FSIP1: variants seen among roughly 807,000 people sequenced by gnomAD.
FSIP1 encodes fibrous sheath interacting protein 1, also known as fibrous sheath-interacting protein 1.
In FSIP1, 65 loss-of-function variants were observed where a neutral mutation model predicts 60.9. The observed-to-expected ratio is 1.07, with a 90% CI of 0.87 to 1.31. The LOEUF (loss-of-function observed/expected upper bound fraction) is 1.31, where lower values mean the gene tolerates loss of function less well. Ranked by LOEUF, FSIP1 falls within the 40% of genes most tolerant of loss-of-function variation. FSIP1 has a pLI of 0.00. For synonymous variants in FSIP1, 209 were observed against 221.2 expected (o/e 0.94, Z 0.49); for missense variants, 675 against 665.5 (o/e 1.01, Z -0.16).
chr15:39,760,424 A>G (rs749107025), intron 5 of FSIP1, among the ~76,000 whole-genome samples: 1 of 152,194 alleles, frequency 6.6e-6, no homozygotes, highest in Non-Finnish European at 1.5e-5. Flanking sequence ...CATCTTAACA[A>G]AGTGATCAAG....
At chr15:39,640,547 C>T (rs993785500) in intron 10 of FSIP1, among the ~76,000 whole-genome samples, 7 of 152,044 alleles carry the variant, frequency 4.6e-5, no homozygotes, top group Non-Finnish European at 5.9e-5. Context: ...CGGGTCGCAG[C>T]GGAAAGAAAA....
chr15:39,708,177 G>A (rs1193318220), intron 10 of FSIP1, among the ~76,000 whole-genome samples: 1 of 152,130 alleles, frequency 6.6e-6, no homozygotes, highest in Non-Finnish European at 1.5e-5. Flanking sequence ...CTAATACCAT[G>A]GGAACCAACT....
intron 10 of FSIP1, among the ~76,000 whole-genome samples, chr15:39,624,989 C>T (rs193084368): frequency 2.5e-3 from 382 of 152,314 alleles, no homozygotes; most frequent in African/African-American, 8.3e-3. Flanking sequence ...AAGTAGGTCA[C>T]GGCAAACAGC....
Position 39,765,685 on chromosome 15 carries a change from T to A in FSIP1, c.372A>T (p.Lys124Asn). ...GTTTCTTTGCCAATATTTTATCAAG[T>A]TTTTTCATCTTCTGAATAGCATCTT... is the stretch of plus-strand genomic sequence containing the variant. ...QLQDAIQKMK[K>N]LDKILAKKQR... Residue 124 changes from lysine to asparagine, a missense_variant, in exon 4 of 12, where the codon AAA becomes AAT. Physicochemically the swap from Lys to Asn is moderately conservative, Grantham distance 94. Transcript: ENST00000350221. 6.3e-7 allele frequency: 1 copy of A among 1,585,042 alleles called. No individual in the cohort carries two copies. Among genetic ancestry groups the A allele is most frequent in the Non-Finnish European group, 8.6e-7 (1 of 1,156,792 alleles).
intron 10 of FSIP1, among the ~76,000 whole-genome samples, chr15:39,681,927 G>A (rs1894179481): frequency 6.6e-6 from 1 of 152,292 alleles, no homozygotes; most frequent in Admixed American, 6.5e-5. Flanking sequence ...TTTCTCTAAT[G>A]AGTCCACAGA....
At position 39,770,537 on chromosome 15, in the gene FSIP1, GTTC is replaced by G; in HGVS notation, c.197_199del (p.Arg66del). ...GCTTTCCTGCTTATCATCATTACTA[GTTC>G]TTCTGTTCTCTGTATTACTGCTTTC... is the stretch of plus-strand genomic sequence containing the variant. On this transcript the variant is annotated inframe_deletion, in exon 3 of 12. Transcript: ENST00000350221. 1.9e-6 allele frequency: 3 copies of G among 1,610,106 alleles called. No homozygotes were observed. Among genetic ancestry groups the G allele is most frequent in the Non-Finnish European group, 2.5e-6 (3 of 1,179,030 alleles).
Position 39,671,238 on chromosome 15 carries a change from T to C in FSIP1, c.1188+42206A>G, listed in dbSNP as rs200873095. ...TTCTTCCTAAAATTTATTTGTCAATTTTTTGGTGTTCCAGAGAAGAAAATA... is the reference window on the plus strand; with the variant it reads ...TTCTTCCTAAAATTTATTTGTCAATCTTTTGGTGTTCCAGAGAAGAAAATA... On this transcript the variant is annotated intron_variant, in intron 10 of 11. Coordinates refer to ENST00000350221, the MANE Select transcript of FSIP1 (RefSeq NM_152597.5). 1.4e-3 allele frequency among the ~76,000 whole-genome samples: 219 copies of C among 152,296 alleles called. 4 individuals carry two copies. In the East Asian group the frequency reaches 0.035, roughly 24 times the overall value.
At position 39,738,180 on chromosome 15, in the gene FSIP1, G is replaced by C. The variant is rs1896680400; in HGVS notation, c.802C>G (p.Pro268Ala). 1 of 1,610,276 alleles carries C rather than the reference G, an allele frequency of 6.2e-7. No individual in the cohort carries two copies. Among genetic ancestry groups the C allele is most frequent in the Admixed American group, 1.7e-5 (1 of 59,682 alleles). Residue 268 changes from proline to alanine, a missense_variant, in exon 8 of 12, where the codon CCA becomes GCA. Transcript: ENST00000350221. Reference protein sequence around the residue: ...NIELAKESRNPVVMVDREKKR... With the variant: ...NIELAKESRNAVVMVDREKKR... ...TTCTCTCTGTCAACCATAACCACTG[G>C]GTTTCTTGATTCCTTGGCCAACTAC...
chr15:39,698,178 T>TAC (rs1170188805), intron 10 of FSIP1, among the ~76,000 whole-genome samples: 1 of 107,034 alleles, frequency 9.3e-6, no homozygotes, highest in African/African-American at 3.0e-5. Flanking sequence ...TATATATATA[T>TAC]AAAATATTAA....
chr15:39,679,764 A>G (rs1232572597), intron 10 of FSIP1, among the ~76,000 whole-genome samples: 1 of 152,220 alleles, frequency 6.6e-6, no homozygotes, highest in Non-Finnish European at 1.5e-5. Flanking sequence ...TAATTGATTA[A>G]GGGGGGAAAA....
intron 2 of FSIP1, among the ~76,000 whole-genome samples, chr15:39,775,810 T>C (rs544444740): frequency 2.0e-5 from 3 of 152,308 alleles, no homozygotes; most frequent in South Asian, 4.1e-4. Context: ...CCATGCTTCC[T>C]GTACAGCCTG....
At chr15:39,715,016 G>A (rs1407297539) in intron 9 of FSIP1, among the ~76,000 whole-genome samples, 1 of 145,398 alleles carries the variant, frequency 6.9e-6, no homozygotes, top group Non-Finnish European at 1.5e-5. Context: ...ATAAACTGAA[G>A]CACACCTACT....
Position 39,741,879 on chromosome 15 carries a change from T to A in FSIP1, c.581A>T (p.Asp194Val). ...AGTATGAAACACTGAGGAAAAGGTG[T>A]CTTCCTCCTCATGAGAAGGACCTGT... ...ETVGPSHEEE[D>V]TFSSVFHTQI... Residue 194 changes from aspartate (D) to valine (V), a missense_variant, in exon 6 of 12, where the codon GAC (aspartate) becomes GTC (valine). By Grantham distance (152) the Asp-to-Val change is radical. Coordinates refer to ENST00000350221, the MANE Select transcript of FSIP1 (RefSeq NM_152597.5). 1.3e-6 allele frequency: 2 copies of A among 1,598,858 alleles called. No homozygotes were observed. Among genetic ancestry groups the A allele is most frequent in the East Asian group, 4.5e-5 (2 of 44,702 alleles).
intron 3 of FSIP1, among the ~76,000 whole-genome samples, chr15:39,769,214 G>C (rs562910618): frequency 3.3e-5 from 5 of 151,178 alleles, no homozygotes; most frequent in Admixed American, 6.6e-5. Flanking sequence ...GGGAGGCAGA[G>C]CTTGCAGTGA....
chr15:39,665,266 C>T (rs1030917744), intron 10 of FSIP1, among the ~76,000 whole-genome samples: 30 of 152,096 alleles, frequency 2.0e-4, no homozygotes, highest in African/African-American at 2.4e-4. Context: ...TTAAGAGGAA[C>T]GACTGCCTTA....
intron 1 of FSIP1, among the ~76,000 whole-genome samples, chr15:39,777,927 A>C (rs1037353576): frequency 3.3e-5 from 5 of 152,208 alleles, no homozygotes; most frequent in African/African-American, 1.2e-4. Flanking sequence ...ACACAGGAGA[A>C]AGCACAAATA....
intron 10 of FSIP1, among the ~76,000 whole-genome samples, chr15:39,644,729 CTT>C (rs1892523810): frequency 6.6e-6 from 1 of 151,172 alleles, no homozygotes; most frequent in Non-Finnish European, 1.5e-5. Flanking sequence ...AAAAAAAAAA[CTT>C]AGCCAAGAGG....
At chr15:39,771,708 G>A (rs776834716) in intron 2 of FSIP1, among the ~76,000 whole-genome samples, 9 of 152,130 alleles carry the variant, frequency 5.9e-5, no homozygotes, top group Non-Finnish European at 1.3e-4. Context: ...AGCAGAAAAC[G>A]AAACTAGTGA....
chr15:39,699,880 C>G (rs924883135), intron 10 of FSIP1, among the ~76,000 whole-genome samples: 2 of 152,062 alleles, frequency 1.3e-5, no homozygotes, highest in African/African-American at 2.4e-5. Flanking sequence ...AGAAACATAG[C>G]TTCAGTAGTT....
Sources: allele counts gnomAD v4.1 joint callset (sites outside exome capture counted in the v4.1 genomes callset), GRCh38; gene constraint gnomAD v4.1.1; transcripts MANE v1.5; gene names NCBI Gene and HGNC (gene_info 2026-07-23, HGNC 2026-07-21).